The following TOP2B variants were observed in gnomAD, a reference collection of about 807,000 sequenced individuals.
TOP2B encodes the protein DNA topoisomerase II beta.
A neutral mutation model predicts 193.5 loss-of-function variants in TOP2B; 51 were observed. That is an observed-to-expected ratio of 0.26 (90% CI 0.21 to 0.33). The LOEUF is 0.33. TOP2B is among the 10% of genes least tolerant of loss of function. The pLI, the probability that TOP2B is intolerant of heterozygous loss-of-function variation, is 1.00. For synonymous variants in TOP2B, 634 were observed against 635.7 expected (o/e 1.00, Z 0.04); for missense variants, 1,378 against 1,909.3 (o/e 0.72, Z 5.19).
intron 1 of TOP2B, among the ~76,000 whole-genome samples, chr3:25,658,308 G>T (rs1330657550): frequency 6.6e-6 from 1 of 151,608 alleles, no homozygotes; most frequent in Non-Finnish European, 1.5e-5. Context: ...ACTAACGATT[G>T]AAAACTTGTT....
chr3:25,652,022 A>G (rs1172513187), intron 1 of TOP2B, among the ~76,000 whole-genome samples: 1 of 152,260 alleles, frequency 6.6e-6, no homozygotes, highest in East Asian at 1.9e-4. Flanking sequence ...GATATTCCAG[A>G]AAACTGGAAT....
chr3:25,629,308 CAAAT>C (rs143078522), intron 13 of TOP2B, among the ~76,000 whole-genome samples, 163 bp from the exon 14 acceptor site: 1,592 of 151,918 alleles, frequency 0.01, 14 homozygotes, highest in Admixed American at 0.019. Context: ...TTTTAATACA[CAAAT>C]AAAGAATATA....
intron 15 of TOP2B, among the ~76,000 whole-genome samples, chr3:25,628,370 G>C (rs1005813283): frequency 1.4e-5 from 1 of 72,290 alleles, no homozygotes; most frequent in African/African-American, 6.9e-5. Context: ...AGCTACTTGC[G>C]GGGGCTGAGG....
At chr3:25,608,712 A>G (rs1244078357) in intron 30 of TOP2B, among the ~76,000 whole-genome samples, 1 of 152,190 alleles carries the variant, frequency 6.6e-6, no homozygotes, top group Non-Finnish European at 1.5e-5. Context: ...TTATATTCTT[A>G]TAAGTACTAT....
At chr3:25,634,546 C>T (rs546292724) in intron 7 of TOP2B, among the ~76,000 whole-genome samples, 1 of 152,084 alleles carries the variant, frequency 6.6e-6, no homozygotes, top group Non-Finnish European at 1.5e-5. Flanking sequence ...GAAATTTTGA[C>T]TAATTGCTAC....
intron 7 of TOP2B, 99 bp from the exon 8 acceptor site, chr3:25,634,113 C>G: frequency 1.1e-6 from 1 of 904,782 alleles, no homozygotes; most frequent in Non-Finnish European, 1.6e-6. Flanking sequence ...CTCTCACTTA[C>G]AACAGTTCTA....
At chr3:25,651,029 A>G (rs139742681) in intron 1 of TOP2B, among the ~76,000 whole-genome samples, 26 of 152,346 alleles carry the variant, frequency 1.7e-4, no homozygotes, top group African/African-American at 6.3e-4. Context: ...ACAAGTTAGT[A>G]CAAGTTTATT....
At chr3:25,657,711 T>C (rs961784773) in intron 1 of TOP2B, among the ~76,000 whole-genome samples, 4 of 152,212 alleles carry the variant, frequency 2.6e-5, no homozygotes, top group African/African-American at 4.8e-5. Flanking sequence ...TCATGTTCTA[T>C]AGCAATTGCT....
intron 15 of TOP2B, 126 bp from the exon 16 acceptor site, chr3:25,627,422 A>ATATTTTTTTTTTTTTTTTTTT: frequency 1.9e-6 from 1 of 514,326 alleles, no homozygotes; most frequent in Non-Finnish European, 3.4e-6. Context: ...TAAGTGATCA[A>ATATTTTTTTTTTTTTTTTTTT]TCTTAATAAG....
intron 4 of TOP2B, among the ~76,000 whole-genome samples, chr3:25,639,145 T>C (rs912739484): frequency 5.3e-5 from 8 of 152,202 alleles, no homozygotes; most frequent in African/African-American, 1.9e-4. Flanking sequence ...TAAAATAGTA[T>C]ATATACTATG....
At chr3:25,604,677 A>T (rs946707759) in intron 33 of TOP2B, 83 bp downstream of exon 33, 1 of 1,161,792 alleles carries the variant, frequency 8.6e-7, no homozygotes, top group African/African-American at 1.6e-5. Flanking sequence ...AAAAAAATGC[A>T]AATAGTTTCA....
At chr3:25,632,972 T>G (rs181798579) in intron 8 of TOP2B, among the ~76,000 whole-genome samples, 178 bp from the exon 9 acceptor site, 24 of 152,242 alleles carry the variant, frequency 1.6e-4, no homozygotes, top group African/African-American at 2.6e-4. Context: ...GCTGTGTTTT[T>G]TTTGTTTGTT....
At chr3:25,628,706 T>C in intron 15 of TOP2B, 141 bp downstream of exon 15, 1 of 571,898 alleles carries the variant, frequency 1.7e-6, no homozygotes. Context: ...TTGCATACAT[T>C]TTTCTATAAC....
chr3:25,623,791 G>A (rs1294450053), intron 20 of TOP2B, 45 bp from the exon 21 acceptor site: 3 of 1,311,670 alleles, frequency 2.3e-6, no homozygotes, highest in Admixed American at 2.2e-5. Flanking sequence ...TCATGGCTTT[G>A]GGAAAGAAAA....
chr3:25,619,211 CAA>C (rs1343291259), intron 23 of TOP2B, among the ~76,000 whole-genome samples: 1 of 152,008 alleles, frequency 6.6e-6, no homozygotes, highest in Admixed American at 6.6e-5. Flanking sequence ...TAAAAATGTT[CAA>C]GTTTTTCCTC....
chr3:25,643,601 C>T (rs1703325564), intron 3 of TOP2B, 93 bp downstream of exon 3: 1 of 919,844 alleles, frequency 1.1e-6, no homozygotes, highest in Non-Finnish European at 1.7e-6. Flanking sequence ...ATACACCTTT[C>T]AAATTTATAC....
intron 7 of TOP2B, among the ~76,000 whole-genome samples, chr3:25,634,798 C>CAAAAAAA (rs1491143901): frequency 2.2e-4 from 29 of 131,458 alleles, no homozygotes; most frequent in Admixed American, 2.4e-4. Context: ...AAAAAAAAAA[C>CAAAAAAA]CAAAAAAAGG....
chr3:25,648,009 G>A (rs1466843452), intron 1 of TOP2B, among the ~76,000 whole-genome samples: 1 of 152,138 alleles, frequency 6.6e-6, no homozygotes, highest in Non-Finnish European at 1.5e-5. Flanking sequence ...ATCTGCCCCA[G>A]CAAGGCAAGA....
In TOP2B at chr3:25,620,889, G is replaced by C. The variant is rs528372658; in HGVS notation, c.2728-73C>G. On this transcript the variant is annotated intron_variant, in intron 21 of 35. Transcript: ENST00000264331. ...TACCATGAGTCTATGGTCTAACATT[G>C]ACAGATTAACACAACTGAAACAGAA... The C allele has an allele frequency of 4.4e-5, 65 of 1,477,166 alleles. No individual in the cohort carries two copies. The African/African-American group carries it at 8.7e-4, about 20-fold the overall frequency. The allele number at this position is 1,477,166 out of a possible 1,614,324, so 91.5% of individuals were successfully genotyped here. A position where few individuals can be genotyped will look rare whatever the true frequency, so the allele number is the denominator to read the frequency against.
Sources: allele counts gnomAD v4.1 joint callset (sites outside exome capture counted in the v4.1 genomes callset), GRCh38; gene constraint gnomAD v4.1.1; transcripts MANE v1.5; gene names NCBI Gene and HGNC (gene_info 2026-07-23, HGNC 2026-07-21).